NBAS: variants seen among roughly 807,000 people sequenced by gnomAD.
NBAS encodes the protein NBAS subunit of NRZ tethering complex, also known as NAG/BC035112 fusion.
In NBAS, 219 loss-of-function variants were observed where a neutral mutation model predicts 302.5. That is an observed-to-expected ratio of 0.72 (90% confidence interval 0.65 to 0.81). The LOEUF is 0.81. Ranked by LOEUF, NBAS falls within the 30% of genes least tolerant of loss-of-function variation. The pLI, the probability that NBAS is intolerant of heterozygous loss-of-function variation, is 0.00. For synonymous variants in NBAS, 1,118 were observed against 1,021.6 expected (o/e 1.09, Z -1.80); for missense variants, 2,932 against 2,841.6 (o/e 1.03, Z -0.72).
At chr2:15,337,192 G>T (rs904445929) in intron 35 of NBAS, among the ~76,000 whole-genome samples, 4 of 151,952 alleles carry the variant, frequency 2.6e-5, no homozygotes, top group African/African-American at 9.7e-5. Flanking sequence ...GTGGTGGCAT[G>T]TGCCTATAGT....
the NBAS span, among the ~76,000 whole-genome samples, chr2:14,826,519 T>C: frequency 6.6e-6 from 1 of 152,236 alleles, no homozygotes; most frequent in East Asian, 1.9e-4. Context: ...AGTTCGTAGA[T>C]GTGGCTAAAT....
rs538461433 is a variant in NBAS at position 15,287,837 on chromosome 2, C to T, written c.5028-654G>A. Among the ~76,000 whole-genome samples the T allele has an allele frequency of 7.3e-5, 11 of 151,288 alleles. No individual in the cohort carries two copies. In the South Asian group the frequency reaches 1.9e-3, roughly 26 times the overall value. On this transcript the variant is annotated intron_variant, in intron 41 of 51. Coordinates refer to ENST00000281513, the MANE Select transcript of NBAS (RefSeq NM_015909.4). Reference sequence around the variant, plus strand: ...TCCCCGCATAAACATCCTGAGCACCCCGTGTAGGCATCCCCGCATAAACAT... The same window carrying T: ...TCCCCGCATAAACATCCTGAGCACCTCGTGTAGGCATCCCCGCATAAACAT...
At position 15,238,547 on chromosome 2, in the gene NBAS, A is replaced by C. The variant is rs141793158; in HGVS notation, c.5864T>G (p.Leu1955Trp). The C allele has an allele frequency of 3.1e-6, 5 of 1,614,052 alleles. No individual in the cohort carries two copies. The highest frequency in any genetic ancestry group is 2.7e-5 in the African/African-American group (2 of 74,932). ...KDSKVTYADT[L>W]NHLEKSLAHL... Reference sequence around the variant, plus strand: ...GGCAAGTGATTTCTCCAGATGATTCAAAGTATCTGCATAGGTAACTTTAGA... The same window carrying C: ...GGCAAGTGATTTCTCCAGATGATTCCAAGTATCTGCATAGGTAACTTTAGA... Residue 1955 changes from leucine to tryptophan, a missense_variant, in exon 45 of 52, where the codon TTG (leucine) becomes TGG (tryptophan). Transcript: ENST00000281513.
the NBAS span, among the ~76,000 whole-genome samples, chr2:14,946,577 G>A: frequency 6.6e-6 from 1 of 152,140 alleles, no homozygotes; most frequent in South Asian, 2.1e-4. Flanking sequence ...AAAGTATACT[G>A]CAAAACAGTA....
At chr2:14,798,648 G>T in the NBAS span, among the ~76,000 whole-genome samples, 1 of 151,966 alleles carries the variant, frequency 6.6e-6, no homozygotes, top group Non-Finnish European at 1.5e-5. Flanking sequence ...GCGTAGAATT[G>T]ATATTATTTT....
the NBAS span, among the ~76,000 whole-genome samples, chr2:14,827,324 A>T: frequency 6.6e-6 from 1 of 152,216 alleles, no homozygotes; most frequent in Admixed American, 6.5e-5. Flanking sequence ...CTCTGTATGT[A>T]GTTTGTAAAC....
In NBAS at chr2:15,448,329, C is replaced by T. The variant is rs577056059; in HGVS notation, c.2339+12872G>A. On this transcript the variant is annotated intron_variant, in intron 21 of 51. Transcript: ENST00000281513. ...CCTATAACCATATCCCCTATTATCA[C>T]CACCATTACTGTCTAATGAACACCA... Among the ~76,000 whole-genome samples the T allele has an allele frequency of 5.3e-5, 8 of 152,260 alleles. No homozygotes were observed. The South Asian group carries it at 1.5e-3, about 28-fold the overall frequency.
At chr2:15,536,868 C>A (rs1178222240) in intron 7 of NBAS, among the ~76,000 whole-genome samples, 1 of 152,148 alleles carries the variant, frequency 6.6e-6, no homozygotes, top group Non-Finnish European at 1.5e-5. Context: ...ACCATTCAGC[C>A]TCAAAAAACT....
intron 9 of NBAS, among the ~76,000 whole-genome samples, chr2:15,520,948 T>C (rs191832098): frequency 6.6e-6 from 1 of 152,328 alleles, no homozygotes; most frequent in East Asian, 1.9e-4. Context: ...TGAAACCATC[T>C]CATGTTGTGA....
the NBAS span, among the ~76,000 whole-genome samples, chr2:14,883,662 G>C: frequency 1.3e-5 from 2 of 152,120 alleles, no homozygotes; most frequent in African/African-American, 2.4e-5. Context: ...CTCTAGAGGT[G>C]TCTACCCTCC....
At chr2:15,331,100 T>C (rs1672323048) in intron 35 of NBAS, among the ~76,000 whole-genome samples, 2 of 152,240 alleles carry the variant, frequency 1.3e-5, no homozygotes, top group Non-Finnish European at 2.9e-5. Context: ...GATACTCATA[T>C]TTGTTTCCTT....
chr2:15,264,686 G>T (rs985716375), intron 44 of NBAS, among the ~76,000 whole-genome samples: 13 of 152,210 alleles, frequency 8.5e-5, no homozygotes, highest in South Asian at 4.2e-4. Context: ...CATAAAACAC[G>T]GGAGCAGTTA....
At chr2:15,113,297 G>C in the NBAS span, among the ~76,000 whole-genome samples, 1 of 147,322 alleles carries the variant, frequency 6.8e-6, no homozygotes, top group Non-Finnish European at 1.5e-5. Context: ...TTTGAGTTAG[G>C]GGAGGAGGTA....
At chr2:15,275,854 A>G in intron 43 of NBAS, 36 bp from the exon 44 acceptor site, 1 of 1,571,780 alleles carries the variant, frequency 6.4e-7, no homozygotes, top group Non-Finnish European at 8.7e-7. Flanking sequence ...TAAGTGGTTC[A>G]TTCCAATGTA....
At chr2:15,161,125 G>A in the NBAS span, among the ~76,000 whole-genome samples, 1 of 152,150 alleles carries the variant, frequency 6.6e-6, no homozygotes, top group Non-Finnish European at 1.5e-5. Context: ...AATGATGTGA[G>A]TTCAAATCCT....
At chr2:15,317,465 C>T (rs1342233266) in intron 38 of NBAS, among the ~76,000 whole-genome samples, 1 of 152,124 alleles carries the variant, frequency 6.6e-6, no homozygotes, top group African/African-American at 2.4e-5. Context: ...GCTAAAGGAG[C>T]ATGTTCTAAT....
At chr2:15,025,455 T>G in the NBAS span, among the ~76,000 whole-genome samples, 1 of 152,230 alleles carries the variant, frequency 6.6e-6, no homozygotes, top group Non-Finnish European at 1.5e-5. Context: ...TGGGCTTTTT[T>G]TGTTCCATAT....
At chr2:14,867,738 T>C in the NBAS span, among the ~76,000 whole-genome samples, 2 of 152,248 alleles carry the variant, frequency 1.3e-5, no homozygotes, top group Non-Finnish European at 2.9e-5. Flanking sequence ...TGTCTTTTGT[T>C]GTGGTTTATT....
downstream of NBAS, among the ~76,000 whole-genome samples, chr2:15,165,585 G>C (rs1663996923): frequency 6.6e-6 from 1 of 152,218 alleles, no homozygotes; most frequent in South Asian, 2.1e-4. Flanking sequence ...GACGATGATG[G>C]TGATGATAAA....
Sources: gnomAD v4.1 joint callset for allele counts (sites outside exome capture counted in the v4.1 genomes callset) on GRCh38, gnomAD v4.1.1 for gene constraint, MANE v1.5 for transcripts, NCBI Gene and HGNC (gene_info 2026-07-23, HGNC 2026-07-21) for gene names.